The following UTRN variants were observed in gnomAD, a reference collection of about 807,000 sequenced individuals.
UTRN encodes the protein dystrophin-related protein 1.
A neutral mutation model predicts 463.9 loss-of-function variants in UTRN; 283 were observed. The ratio of observed to expected loss-of-function variants is 0.61; its 90% CI spans 0.55 to 0.67. The LOEUF (loss-of-function observed/expected upper bound fraction) is 0.67, where lower values mean the gene tolerates loss of function less well. Ranked by LOEUF, UTRN falls within the 30% of genes least tolerant of loss-of-function variation. The pLI is 0.00. For missense variants in UTRN, 3,922 were observed against 4,084.3 expected (o/e 0.96, Z 1.08); for synonymous variants, 1,442 against 1,431.5 (o/e 1.01, Z -0.17).
intron 2 of UTRN, among the ~76,000 whole-genome samples, chr6:144,329,246 C>T (rs1776180844): frequency 6.6e-6 from 1 of 151,880 alleles, no homozygotes; most frequent in South Asian, 2.1e-4. Flanking sequence ...TCATGCCCAG[C>T]TAATTTTTGT....
At chr6:144,417,076 C>T (rs1784418810) in intron 3 of UTRN, among the ~76,000 whole-genome samples, 1 of 152,072 alleles carries the variant, frequency 6.6e-6, no homozygotes, top group African/African-American at 2.4e-5. Flanking sequence ...AAGTTTACAG[C>T]TTGTGATACC....
chr6:144,563,398 T>C (rs1404333769), intron 50 of UTRN, among the ~76,000 whole-genome samples: 1 of 152,186 alleles, frequency 6.6e-6, no homozygotes, highest in Non-Finnish European at 1.5e-5. Context: ...ATTTGGTCAA[T>C]TCCTTTTAAC....
rs911109429 is a variant in UTRN at position 144,285,533 on chromosome 6, T to A, written c.-381T>A. ...TTGGTGCCTGCGCGCCCCTTCCAGGTTTGCGCTTTGACTGTTTTGTTTTTG... is the reference window on the plus strand; with the variant it reads ...TTGGTGCCTGCGCGCCCCTTCCAGGATTGCGCTTTGACTGTTTTGTTTTTG... On this transcript the variant is annotated 5_prime_UTR_variant, in exon 1 of 75. Coordinates refer to ENST00000367545, the MANE Select transcript of UTRN (RefSeq NM_007124.3). 6.6e-6 allele frequency among the ~76,000 whole-genome samples: 1 copy of A among 152,168 alleles called. No homozygotes were observed. Among genetic ancestry groups the A allele is most frequent in the Non-Finnish European group, 1.5e-5 (1 of 68,016 alleles).
chr6:144,484,231 G>C (rs1792187075), intron 27 of UTRN, among the ~76,000 whole-genome samples: 1 of 152,124 alleles, frequency 6.6e-6, no homozygotes, highest in South Asian at 2.1e-4. Flanking sequence ...TATAACTCCA[G>C]TTTTGGTAAA....
Position 144,533,169 on chromosome 6 carries a change from C to T in UTRN, c.6142C>T (p.Gln2048Ter), listed in dbSNP as rs777248580. 1 of 1,614,200 alleles carries T rather than the reference C, an allele frequency of 6.2e-7. No homozygotes were observed. The highest frequency in any genetic ancestry group is 8.5e-7 in the Non-Finnish European group (1 of 1,180,020). The part of the protein sequence containing the change: ...TGDGIVQKLS[Q>*]ADGSFLKEKL... Reference sequence around the variant, plus strand: ...GGATGGGATTGTGCAGAAACTCTCCCAGGCAGATGGAAGCTTCTTGAAAGA... The same window carrying T: ...GGATGGGATTGTGCAGAAACTCTCCTAGGCAGATGGAAGCTTCTTGAAAGA... The change falls in exon 43 of 75, where the codon CAG (glutamine) becomes TAG (stop). Residue 2048 changes from glutamine (Q) to a stop codon, truncating the protein, a stop_gained. Coordinates refer to ENST00000367545, the MANE Select transcript of UTRN (RefSeq NM_007124.3). LOFTEE classifies it high-confidence loss of function.
intron 58 of UTRN, 95 bp from the exon 59 acceptor site, chr6:144,771,812 G>GA (rs1379483742): frequency 4.9e-6 from 5 of 1,016,308 alleles, no homozygotes; most frequent in Admixed American, 5.5e-5. Context: ...TTAAAAATTT[G>GA]AAAAAAATCA....
At chr6:144,483,105 GA>G (rs1199521990) in intron 27 of UTRN, among the ~76,000 whole-genome samples, 1 of 152,158 alleles carries the variant, frequency 6.6e-6, no homozygotes, top group Non-Finnish European at 1.5e-5. Context: ...GGCAAATCTT[GA>G]AATGGTAAAA....
intron 65 of UTRN, among the ~76,000 whole-genome samples, chr6:144,819,657 C>A (rs1779388498): frequency 6.6e-6 from 1 of 152,132 alleles, no homozygotes; most frequent in African/African-American, 2.4e-5. Context: ...CGTGCCATTG[C>A]ATGCCAGCTT....
chr6:144,633,425 C>T (rs1053333599), intron 51 of UTRN, among the ~76,000 whole-genome samples: 3 of 151,912 alleles, frequency 2.0e-5, no homozygotes, highest in Admixed American at 1.3e-4. Context: ...GTAAAGACGG[C>T]GTTTCACCGT....
At chr6:144,385,927 T>C in intron 2 of UTRN, among the ~76,000 whole-genome samples, 1 of 152,164 alleles carries the variant, frequency 6.6e-6, no homozygotes, top group East Asian at 1.9e-4. Flanking sequence ...CAGGCTGGTC[T>C]TGAACTTTTG....
chr6:144,486,585 G>A (rs1792472081), intron 28 of UTRN, among the ~76,000 whole-genome samples: 2 of 152,218 alleles, frequency 1.3e-5, no homozygotes, highest in Middle Eastern at 3.4e-3. Flanking sequence ...GCAATTGCAT[G>A]ATTTTGGCTC....
intron 49 of UTRN, 35 bp downstream of exon 49, chr6:144,554,928 T>G (rs1209189306): frequency 1.2e-6 from 2 of 1,606,824 alleles, no homozygotes; most frequent in African/African-American, 2.7e-5. Context: ...GCAGTATTGT[T>G]TTGTTGGATA....
At chr6:144,652,144 A>T (rs1164923968) in intron 51 of UTRN, among the ~76,000 whole-genome samples, 3 of 152,214 alleles carry the variant, frequency 2.0e-5, no homozygotes, top group Non-Finnish European at 2.9e-5. Context: ...AGATGACAAG[A>T]CATTGCAAAG....
At chr6:144,523,516 G>A (rs560783359) in intron 41 of UTRN, among the ~76,000 whole-genome samples, 2 of 152,094 alleles carry the variant, frequency 1.3e-5, no homozygotes, top group East Asian at 3.9e-4. Context: ...CACCATGTTG[G>A]CCAGGCTGGT....
intron 9 of UTRN, among the ~76,000 whole-genome samples, chr6:144,430,603 T>G (rs1246201418): frequency 1.3e-5 from 2 of 152,212 alleles, no homozygotes; most frequent in Non-Finnish European, 2.9e-5. Context: ...ATCACAGTTT[T>G]GTCTGCAAAA....
intron 2 of UTRN, among the ~76,000 whole-genome samples, chr6:144,347,837 G>T (rs541007610): frequency 1.6e-4 from 21 of 128,884 alleles, no homozygotes; most frequent in African/African-American, 5.8e-4. Context: ...CTTATTCTTT[G>T]TTTTTTTTTT....
chr6:144,744,564 G>A (rs769909330), intron 54 of UTRN, among the ~76,000 whole-genome samples: 64 of 148,816 alleles, frequency 4.3e-4, no homozygotes, highest in Non-Finnish European at 7.4e-4. Flanking sequence ...CCAGTTCAAT[G>A]GGAAGACCCG....
chr6:144,359,320 C>A (rs9496946), intron 2 of UTRN, among the ~76,000 whole-genome samples: 9,631 of 152,212 alleles, frequency 0.063, 1,022 homozygotes, highest in African/African-American at 0.22. Flanking sequence ...GGGGCAAAAC[C>A]ACTCCCAGCT....
intron 54 of UTRN, among the ~76,000 whole-genome samples, chr6:144,734,478 C>A (rs1472394754): frequency 6.6e-6 from 1 of 152,172 alleles, no homozygotes; most frequent in Non-Finnish European, 1.5e-5. Flanking sequence ...CTGCCCCCTC[C>A]CGTCACCCTG....
Sources: allele counts gnomAD v4.1 joint callset (sites outside exome capture counted in the v4.1 genomes callset), GRCh38; gene constraint gnomAD v4.1.1; transcripts MANE v1.5; gene names NCBI Gene and HGNC (gene_info 2026-07-23, HGNC 2026-07-21).